RBM33: variants seen among roughly 807,000 people sequenced by gnomAD.
RBM33 encodes RNA-binding protein 33.
A neutral mutation model predicts 132.6 loss-of-function variants in RBM33; 28 were observed. The observed-to-expected ratio is 0.21, with a 90% CI of 0.16 to 0.29. The LOEUF (loss-of-function observed/expected upper bound fraction) is 0.29. Among genes scored for constraint, RBM33 ranks in the 10% least tolerant of loss-of-function variants. The pLI, the probability that RBM33 is intolerant of heterozygous loss-of-function variation, is 1.00. For synonymous variants in RBM33, 634 were observed against 593.0 expected (o/e 1.07, Z -1.01); for missense variants, 1,291 against 1,518.5 (o/e 0.85, Z 2.49).
chr7:155,712,877 G>A (rs993768602), intron 8 of RBM33, among the ~76,000 whole-genome samples: 1 of 152,230 alleles, frequency 6.6e-6, no homozygotes, highest in South Asian at 2.1e-4. Context: ...TTGAGCAGAG[G>A]AATGACGTGA....
At chr7:155,645,962 G>C (rs1798177066) in intron 1 of RBM33, among the ~76,000 whole-genome samples, 1 of 152,172 alleles carries the variant, frequency 6.6e-6, no homozygotes, top group Non-Finnish European at 1.5e-5. Flanking sequence ...TGGCAATTTG[G>C]TTTGCTATAT....
intron 9 of RBM33, among the ~76,000 whole-genome samples, chr7:155,735,381 ATAT>A (rs1801084687): frequency 6.6e-6 from 1 of 152,244 alleles, no homozygotes; most frequent in Non-Finnish European, 1.5e-5. Flanking sequence ...TTTTTCTAGC[ATAT>A]TATTAGCAAA....
chr7:155,738,482 AT>A (rs1484403321), intron 11 of RBM33, 79 bp downstream of exon 11: 3 of 1,313,928 alleles, frequency 2.3e-6, no homozygotes, highest in Non-Finnish European at 3.1e-6. Context: ...TCAGATTTTT[AT>A]TTGAGCCTAC....
At position 155,665,213 on chromosome 7, in the gene RBM33, C is replaced by T; in HGVS notation, c.82C>T (p.Arg28Trp). The T allele has an allele frequency of 6.2e-7, 1 of 1,613,828 alleles. No homozygotes were observed. The highest frequency in any genetic ancestry group is 8.5e-7 in the Non-Finnish European group (1 of 1,179,784). The change falls in exon 2 of 18, where the codon CGG (arginine) becomes TGG (tryptophan). Residue 28 changes from arginine (R) to tryptophan (W), a missense_variant. Physicochemically the swap from Arg to Trp is moderately radical, Grantham distance 101 (BLOSUM62 -3). Transcript: ENST00000401878. Reference protein sequence around the residue: ...FDQFDKPGAERSWRRRAADED... With the variant: ...FDQFDKPGAEWSWRRRAADED... Reference sequence around the variant, plus strand: ...CCAGTTTGATAAGCCTGGCGCGGAACGGTCGTGGAGAAGAAGAGCTGCTGA... The same window carrying T: ...CCAGTTTGATAAGCCTGGCGCGGAATGGTCGTGGAGAAGAAGAGCTGCTGA...
chr7:155,773,601 C>T (rs1243575064), intron 16 of RBM33, among the ~76,000 whole-genome samples: 1 of 132,766 alleles, frequency 7.5e-6, no homozygotes, highest in Middle Eastern at 3.8e-3. Flanking sequence ...AAAAAGGAGT[C>T]AGGGGCTCCT....
intron 14 of RBM33, among the ~76,000 whole-genome samples, chr7:155,757,897 G>A (rs1326440435): frequency 9.6e-6 from 1 of 103,786 alleles, no homozygotes; most frequent in Non-Finnish European, 1.9e-5. Flanking sequence ...GGGGGGCGGG[G>A]CATGTGCCAT....
chr7:155,670,756 A>G (rs1286561570), intron 2 of RBM33, among the ~76,000 whole-genome samples: 3 of 152,162 alleles, frequency 2.0e-5, no homozygotes, highest in Non-Finnish European at 4.4e-5. Context: ...TGCTGTTTAT[A>G]CTTGCTGTTG....
chr7:155,779,825 G>A lies in RBM33; in HGVS notation c.*4784G>A, dbSNP rs1802752925. On this transcript the variant is annotated 3_prime_UTR_variant, in exon 18 of 18. Coordinates refer to ENST00000401878, the MANE Select transcript of RBM33 (RefSeq NM_053043.3). ...TCTTTAAGATTGGCGGACGGAACAG[G>A]TATTTTAGTGAGACACTTCTGAGTA... The A allele has an allele frequency of 6.6e-6, 1 of 152,196 alleles. No individual in the cohort carries two copies. The highest frequency in any genetic ancestry group is 6.5e-5 in the Admixed American group (1 of 15,278). The allele number at this position is 152,196 out of a possible 1,614,324, so 9.4% of individuals were successfully genotyped here.
chr7:155,733,989 G>A (rs1801034439), intron 9 of RBM33, among the ~76,000 whole-genome samples: 1 of 152,194 alleles, frequency 6.6e-6, no homozygotes, highest in African/African-American at 2.4e-5. Context: ...TTGGCAGACA[G>A]GCCCACACCT....
Position 155,775,113 on chromosome 7 carries a change from C to T in RBM33, c.*72C>T, listed in dbSNP as rs753985429. The T allele has an allele frequency of 3.4e-5, 46 of 1,335,078 alleles. No homozygotes were observed. Among genetic ancestry groups the T allele is most frequent in the South Asian group, 5.9e-5 (5 of 85,300 alleles). The allele number at this position is 1,335,078 out of a possible 1,614,324, so 82.7% of individuals were successfully genotyped here. ...TTTCTTCAAGGGAGCTGCCGGCCGG[C>T]GCAGAACCCCCAGGAGCACAGGTCT... On this transcript the variant is annotated 3_prime_UTR_variant, in exon 18 of 18. Coordinates refer to ENST00000401878, the MANE Select transcript of RBM33 (RefSeq NM_053043.3).
intron 1 of RBM33, among the ~76,000 whole-genome samples, chr7:155,661,401 CT>C (rs1798646524): frequency 7.6e-6 from 1 of 131,360 alleles, no homozygotes; most frequent in South Asian, 2.7e-4. Flanking sequence ...TTTTTTTTTT[CT>C]TTCTTTTTTT....
At chr7:155,723,469 C>T (rs1441045085) in intron 9 of RBM33, among the ~76,000 whole-genome samples, 2 of 152,220 alleles carry the variant, frequency 1.3e-5, no homozygotes, top group Non-Finnish European at 1.5e-5. Context: ...ATGCACGTGA[C>T]ATAATACCCA....
intron 5 of RBM33, among the ~76,000 whole-genome samples, chr7:155,688,840 G>A (rs559058541): frequency 8.5e-5 from 13 of 152,264 alleles, no homozygotes; most frequent in South Asian, 4.1e-4. Flanking sequence ...TGATCATGGC[G>A]GATAAGCTTT....
intron 4 of RBM33, among the ~76,000 whole-genome samples, chr7:155,679,643 A>G (rs1799283082): frequency 6.6e-6 from 1 of 152,254 alleles, no homozygotes; most frequent in South Asian, 2.1e-4. Context: ...TTTCTAACAT[A>G]AAGTAATTTT....
intron 13 of RBM33, 98 bp from the exon 14 acceptor site, chr7:155,744,863 A>T: frequency 1.7e-6 from 2 of 1,187,038 alleles, no homozygotes; most frequent in Non-Finnish European, 2.3e-6. Flanking sequence ...ATACTGAATT[A>T]AAGGACTTGT....
At chr7:155,714,162 C>G (rs1273983986) in intron 8 of RBM33, among the ~76,000 whole-genome samples, 1 of 152,112 alleles carries the variant, frequency 6.6e-6, no homozygotes, top group Non-Finnish European at 1.5e-5. Context: ...GGTTGTGTGT[C>G]TCTGTCCAGC....
intron 5 of RBM33, among the ~76,000 whole-genome samples, chr7:155,685,668 T>C (rs901374993): frequency 6.6e-6 from 1 of 152,148 alleles, no homozygotes; most frequent in Non-Finnish European, 1.5e-5. Context: ...GAAAGATAGA[T>C]TGCATTTGTA....
At chr7:155,685,973 G>C (rs963451626) in intron 5 of RBM33, among the ~76,000 whole-genome samples, 2 of 152,126 alleles carry the variant, frequency 1.3e-5, no homozygotes, top group African/African-American at 4.8e-5. Flanking sequence ...CTATGAATGT[G>C]TATGCTGTGC....
rs1229340204 is a variant in RBM33, at chr7:155,780,793, T to TCTCC, written c.*5755_*5756insCCTC. 2 of 147,496 alleles carry TCTCC rather than the reference T, an allele frequency of 1.4e-5. No individual in the cohort carries two copies. The highest frequency in any genetic ancestry group is 3.0e-5 in the Non-Finnish European group (2 of 66,258). 9.1% of individuals were successfully genotyped at this position (147,496 alleles called of 1,614,324 possible). A position where few individuals can be genotyped will look rare whatever the true frequency, so the allele number is the denominator to read the frequency against. On this transcript the variant is annotated 3_prime_UTR_variant, in exon 18 of 18. Transcript: ENST00000401878. ...ACACTGTGTTTACCACTCCATCACC[T>TCTCC]CTCAACCTTTGCTTCGACAGGTCTT... is the stretch of plus-strand genomic sequence containing the variant.
Sources: gnomAD v4.1 joint callset for allele counts (sites outside exome capture counted in the v4.1 genomes callset) on GRCh38, gnomAD v4.1.1 for gene constraint, MANE v1.5 for transcripts, NCBI Gene and HGNC (gene_info 2026-07-23, HGNC 2026-07-21) for gene names.